The following POFUT1 variants were observed in gnomAD, a reference collection of about 807,000 sequenced individuals.
POFUT1 encodes protein O-fucosyltransferase 1, also known as GDP-fucose protein O-fucosyltransferase 1.
In POFUT1, 16 loss-of-function variants were observed where a neutral mutation model predicts 42.4. The observed-to-expected ratio is 0.38, with a 90% CI of 0.26 to 0.57. The LOEUF (loss-of-function observed/expected upper bound fraction) is 0.57. POFUT1 is among the 20% of genes least tolerant of loss of function. The probability of loss-of-function intolerance (pLI) is 0.71; values close to 1 mark genes in which losing one functional copy is unlikely to be tolerated. For missense variants in POFUT1, 470 were observed against 504.6 expected (o/e 0.93, Z 0.66); for synonymous variants, 206 against 205.4 (o/e 1.00, Z -0.03).
At chr20:32,217,004 C>T (rs367717054) in intron 4 of POFUT1, 1 of 1,613,724 alleles carries the variant, frequency 6.2e-7, no homozygotes, top group African/African-American at 1.3e-5. Context: ...ATTTCCTCCT[C>T]TAGGCGTGAG....
intron 4 of POFUT1, chr20:32,223,711 TTC>T: frequency 1.0e-6 from 1 of 983,882 alleles, no homozygotes; most frequent in Non-Finnish European, 1.2e-6. Flanking sequence ...CCCCAAATCT[TTC>T]TCATTTATTC....
chr20:32,224,189 T>A (rs553296926), intron 4 of POFUT1, among the ~76,000 whole-genome samples: 4 of 151,974 alleles, frequency 2.6e-5, no homozygotes, highest in Admixed American at 6.6e-5. Flanking sequence ...GTCAGGAGTT[T>A]GAGACCAGCC....
At chr20:32,218,019 G>A (rs1182709525) in intron 4 of POFUT1, 1 of 152,310 alleles carries the variant, frequency 6.6e-6, no homozygotes, top group Non-Finnish European at 1.5e-5. Context: ...ACTGCCATCT[G>A]TGCTTTACAC....
chr20:32,216,681 AT>A lies in POFUT1; in HGVS notation c.505del (p.Ser169ProfsTer34). On this transcript the variant is annotated frameshift_variant, in exon 4 of 7. Coordinates refer to ENST00000375749, the MANE Select transcript of POFUT1 (RefSeq NM_015352.2). LOFTEE classifies it high-confidence loss of function. ...CAACAAGTCGGAGCTTTTTACAGGC[AT>A]TTCCTTCAGTGCTTCCTACAGAGAA... ...SFNKSELFTGISFSASYREQW... is the reference protein window; with the variant it reads ...SFNKSELFTGXSFSASYREQW... 1 of 1,613,728 alleles carries A rather than the reference AT, an allele frequency of 6.2e-7. No homozygotes were observed. The highest frequency in any genetic ancestry group is 8.5e-7 in the Non-Finnish European group (1 of 1,179,644).
Position 32,231,446 on chromosome 20 carries a change from C to T in POFUT1, c.978+385C>T, listed in dbSNP as rs183627538. On this transcript the variant is annotated intron_variant, in intron 6 of 6. Transcript: ENST00000375749. ...TTCCTTGATGTCTAGCCTGGTGCTT[C>T]GACCTCTTTGGGACTGAAACCCTGC... 7.4e-4 allele frequency: 211 copies of T among 284,144 alleles called. 1 individual carries two copies. The highest frequency in any genetic ancestry group is 2.9e-3 in the African/African-American group (131 of 45,804). The allele number at this position is 284,144 out of a possible 1,614,324, so 17.6% of individuals were successfully genotyped here. A position where few individuals can be genotyped will look rare whatever the true frequency, so the allele number is the denominator to read the frequency against.
At position 32,208,058 on chromosome 20, in the gene POFUT1, C is replaced by T; in HGVS notation, c.117C>T (p.Pro39=). Residue 39 remains proline (P), a synonymous_variant, in exon 1 of 7, where the codon CCC becomes CCT. Coordinates refer to ENST00000375749, the MANE Select transcript of POFUT1 (RefSeq NM_015352.2). ...WDPAGYLLYC[P]CMGRFGNQAD... is the part of the protein sequence containing the mutation. The stretch of plus-strand genomic sequence containing the variant: ...CGGCCGGTTACCTGCTCTACTGCCC[C>T]TGCATGGGTAAGGCCTCCCAAGCCC... 4 of 1,557,396 alleles carry T rather than the reference C, an allele frequency of 2.6e-6. No individual in the cohort carries two copies. In the Admixed American group the frequency reaches 5.7e-5, roughly 22 times the overall value.
intron 2 of POFUT1, among the ~76,000 whole-genome samples, chr20:32,214,630 G>T (rs1391364437): frequency 1.3e-5 from 2 of 152,204 alleles, no homozygotes; most frequent in East Asian, 1.9e-4. Flanking sequence ...TACTAATGAG[G>T]TTAGACATCT....
chr20:32,223,111 G>T (rs1053684515), intron 4 of POFUT1: 2 of 985,324 alleles, frequency 2.0e-6, no homozygotes, highest in African/African-American at 1.7e-5. Flanking sequence ...GTCCTAGTTT[G>T]TTGGAGAATC....
intron 3 of POFUT1, among the ~76,000 whole-genome samples, chr20:32,216,128 G>A (rs996006490): frequency 6.6e-6 from 1 of 152,198 alleles, no homozygotes; most frequent in African/African-American, 2.4e-5. Flanking sequence ...ATGTGCTAAA[G>A]TCTTGGGAAA....
chr20:32,219,502 C>T (rs2047379604), intron 4 of POFUT1, among the ~76,000 whole-genome samples: 1 of 136,532 alleles, frequency 7.3e-6, no homozygotes, highest in South Asian at 2.5e-4. Context: ...AGTAGCATAA[C>T]AACAAGTTTT....
rs775625035 is a variant in POFUT1 at position 32,210,094 on chromosome 20, C to G, written c.148C>G (p.His50Asp). 6.2e-7 allele frequency: 1 copy of G among 1,614,228 alleles called. No individual in the cohort carries two copies. Among genetic ancestry groups the G allele is most frequent in the East Asian group, 2.2e-5 (1 of 44,886 alleles). Residue 50 changes from histidine to aspartate, a missense_variant, in exon 2 of 7, where the codon CAC (histidine) becomes GAC (aspartate). His to Asp is a moderately conservative substitution (Grantham distance 81). Coordinates refer to ENST00000375749, the MANE Select transcript of POFUT1 (RefSeq NM_015352.2). ...AGGGCGCTTTGGGAACCAGGCCGATCACTTCTTGGGCTCTCTGGCATTTGC... is the reference window on the plus strand; with the variant it reads ...AGGGCGCTTTGGGAACCAGGCCGATGACTTCTTGGGCTCTCTGGCATTTGC... ...CMGRFGNQAD[H>D]FLGSLAFAKL...
chr20:32,229,658 G>A (rs1306979342), intron 5 of POFUT1, among the ~76,000 whole-genome samples: 1 of 152,172 alleles, frequency 6.6e-6, no homozygotes, highest in Non-Finnish European at 1.5e-5. Flanking sequence ...TCAGAATTCA[G>A]TGAATGTCCC....
chr20:32,232,990 A>G (rs1600395409), intron 6 of POFUT1, among the ~76,000 whole-genome samples: 2 of 152,144 alleles, frequency 1.3e-5, no homozygotes, highest in South Asian at 4.1e-4. Flanking sequence ...GACTGCAGAG[A>G]GCTATAACGT....
In POFUT1 at chr20:32,234,884, G is replaced by A. The variant is rs774584748; in HGVS notation, c.*223G>A. 5.8e-4 allele frequency: 264 copies of A among 457,672 alleles called. No individual in the cohort carries two copies. Among genetic ancestry groups the A allele is most frequent in the Non-Finnish European group, 7.8e-4 (202 of 258,728 alleles). 28.4% of individuals were successfully genotyped at this position (457,672 alleles called of 1,614,324 possible). A position where few individuals can be genotyped will look rare whatever the true frequency, so the allele number is the denominator to read the frequency against. The stretch of plus-strand genomic sequence containing the variant: ...GGAGCAGGAGCATCTCCCATCGCAC[G>A]TGCTTTCTGCTCTTCTGGGAATTTC... On this transcript the variant is annotated 3_prime_UTR_variant, in exon 7 of 7. Coordinates refer to ENST00000375749, the MANE Select transcript of POFUT1 (RefSeq NM_015352.2).
intron 2 of POFUT1, among the ~76,000 whole-genome samples, chr20:32,214,299 A>AT (rs962789051): frequency 6.6e-5 from 10 of 151,572 alleles, no homozygotes; most frequent in Non-Finnish European, 1.2e-4. Flanking sequence ...TAATTTTTTT[A>AT]TTTTTTGTAG....
At chr20:32,219,291 C>T (rs2047378480) in intron 4 of POFUT1, among the ~76,000 whole-genome samples, 1 of 151,936 alleles carries the variant, frequency 6.6e-6, no homozygotes, top group South Asian at 2.1e-4. Flanking sequence ...GGGCTAAGAC[C>T]AGAAGGATGA....
chr20:32,217,461 CAG>C, intron 4 of POFUT1: 1 of 1,000,344 alleles, frequency 1.0e-6, no homozygotes, highest in African/African-American at 1.7e-5. Context: ...CAAAGGTAAA[CAG>C]ATGTAGAGAA....
intron 6 of POFUT1, 158 bp downstream of exon 6, chr20:32,231,219 A>G: frequency 4.1e-6 from 3 of 731,138 alleles, no homozygotes; most frequent in Non-Finnish European, 6.7e-6. Flanking sequence ...ACCCCAGCTC[A>G]GAGGCCTCCT....
intron 4 of POFUT1, among the ~76,000 whole-genome samples, chr20:32,227,063 G>A (rs2047418049): frequency 6.6e-6 from 1 of 152,118 alleles, no homozygotes. Flanking sequence ...GATTTTGGCT[G>A]GCAGAAGGCA....
Sources: gnomAD v4.1 joint callset for allele counts (sites outside exome capture counted in the v4.1 genomes callset) on GRCh38, gnomAD v4.1.1 for gene constraint, MANE v1.5 for transcripts, NCBI Gene and HGNC (gene_info 2026-07-23, HGNC 2026-07-21) for gene names.